ZNF12: variants seen among roughly 807,000 people sequenced by gnomAD.
ZNF12 encodes the protein zinc finger protein 12, also known as gonadotropin inducible transcription repressor 3.
A neutral mutation model predicts 66.6 loss-of-function variants in ZNF12; 34 were observed. The observed-to-expected ratio is 0.51, with a 90% confidence interval of 0.39 to 0.68. ZNF12 has a LOEUF of 0.68. Ranked by LOEUF, ZNF12 falls within the 30% of genes least tolerant of loss-of-function variation. ZNF12 has a pLI of 0.00. For synonymous variants in ZNF12, 320 were observed against 278.9 expected (o/e 1.15, Z -1.47); for missense variants, 697 against 826.9 (o/e 0.84, Z 1.93).
Position 6,706,909 on chromosome 7 carries a change from C to A in ZNF12, c.-528G>T, listed in dbSNP as rs1471112359. 1.2e-5 allele frequency: 5 copies of A among 414,008 alleles called. No individual in the cohort carries two copies. Among genetic ancestry groups the A allele is most frequent in the Admixed American group, 2.7e-5 (1 of 36,870 alleles). 25.6% of individuals were successfully genotyped at this position (414,008 alleles called of 1,614,324 possible). ...GGAGGCCAAAGCCTGGGAACTAGGG[C>A]GAGCGGTGACCTGGGGACGCACAGG... is the stretch of plus-strand genomic sequence containing the variant. On this transcript the variant is annotated 5_prime_UTR_variant, in exon 1 of 5. Transcript: ENST00000405858.
At chr7:6,703,104 C>T (rs59418261) in intron 2 of ZNF12, among the ~76,000 whole-genome samples, 100 of 152,038 alleles carry the variant, frequency 6.6e-4, no homozygotes, top group African/African-American at 2.4e-3. Context: ...CACTGCATAC[C>T]AACACAGCCC....
intron 1 of ZNF12, among the ~76,000 whole-genome samples, chr7:6,706,198 G>A (rs1780353380): frequency 6.6e-6 from 1 of 152,216 alleles, no homozygotes; most frequent in African/African-American, 2.4e-5. Context: ...AGCAGAGAGA[G>A]GAGGAAGGGC....
Position 6,697,993 on chromosome 7 carries a change from A to C in ZNF12, c.16-182T>G, listed in dbSNP as rs1780178564. On this transcript the variant is annotated intron_variant, in intron 2 of 4. Transcript: ENST00000405858. The surrounding 1 kb of genome is among the most constrained non-coding windows in gnomAD (Gnocchi z 6.1). ...TTCTGGGGTTCATTCAGTATACATC[A>C]AACAAAAAACAAAAAACAAAAAAAC... is the stretch of plus-strand genomic sequence containing the variant. 1 of 802,884 alleles carries C rather than the reference A, an allele frequency of 1.2e-6. No homozygotes were observed. The highest frequency in any genetic ancestry group is 2.2e-6 in the Non-Finnish European group (1 of 455,734). 49.7% of individuals were successfully genotyped at this position (802,884 alleles called of 1,614,324 possible).
Position 6,691,770 on chromosome 7 carries a change from G to C in ZNF12, c.1172C>G (p.Ser391Trp). 6.2e-7 allele frequency: 1 copy of C among 1,613,814 alleles called. No homozygotes were observed. The highest frequency in any genetic ancestry group is 8.5e-7 in the Non-Finnish European group (1 of 1,179,834). ...ATGGTCATTAAGTGCTGACTTCTGC[G>C]AGAAGGTTTTCCCACAGTCATGACA... ...YVCHDCGKTF[S>W]QKSALNDHQK... The change falls in exon 5 of 5, where the codon TCG becomes TGG. Residue 391 changes from serine to tryptophan, a missense_variant. Physicochemically the swap from Ser to Trp is radical, Grantham distance 177. Coordinates refer to ENST00000405858, the MANE Select transcript of ZNF12 (RefSeq NM_016265.4).
Position 6,691,303 on chromosome 7 carries a change from T to C in ZNF12, c.1639A>G (p.Lys547Glu). Residue 547 changes from lysine to glutamate, a missense_variant, in exon 5 of 5, where the codon AAG (lysine) becomes GAG (glutamate). Physicochemically the swap from Lys to Glu is moderately conservative, Grantham distance 56 (BLOSUM62 1). Around this residue, in one of 3 missense-constraint regions of ZNF12, gnomAD observed 401 missense variants for 519.0 expected, o/e 0.77. Transcript: ENST00000405858. ...CCACATATATAGCATTCATAGGGCT[T>C]CTCTCCTTTGTGTATTCTCCGATGT... ...CRHRRIHKGE[K>E]PYECYICGKF... 1 of 1,614,064 alleles carries C rather than the reference T, an allele frequency of 6.2e-7. No individual in the cohort carries two copies. Among genetic ancestry groups the C allele is most frequent in the Non-Finnish European group, 8.5e-7 (1 of 1,179,924 alleles).
At chr7:6,700,539 C>G (rs1196232729) in intron 2 of ZNF12, among the ~76,000 whole-genome samples, 1 of 152,118 alleles carries the variant, frequency 6.6e-6, no homozygotes, top group African/African-American at 2.4e-5. Flanking sequence ...TCTAGCATCT[C>G]AGCTAGACAC....
At position 6,705,713 on chromosome 7, in the gene ZNF12, G is replaced by C. The variant is rs930897953; in HGVS notation, c.-50-490C>G. Among the ~76,000 whole-genome samples, 2 of 133,904 alleles carry C rather than the reference G, an allele frequency of 1.5e-5. No individual in the cohort carries two copies. The highest frequency in any genetic ancestry group is 6.1e-5 in the African/African-American group (2 of 32,612). 87.8% of individuals were successfully genotyped at this position (133,904 alleles called of 152,430 possible). ...CAGCCTGGGCAACAAAGCGAAACTT[G>C]TCTCAAAAACAAACAAACAAACAAA... On this transcript the variant is annotated intron_variant, in intron 1 of 4. Transcript: ENST00000405858. This position sits in a 1 kb window ranked among gnomAD's most constrained non-coding sequence, Gnocchi z 4.0.
rs1562597512 is a variant in ZNF12 at position 6,690,882 on chromosome 7, T to C, written c.2060A>G (p.Asn687Ser). Residue 687 changes from asparagine (N) to serine (S), a missense_variant, in exon 5 of 5, where the codon AAT (asparagine) becomes AGT (serine). Coordinates refer to ENST00000405858, the MANE Select transcript of ZNF12 (RefSeq NM_016265.4). ...NSHQRIHRRGNMNVIDVGRLL is the reference protein window; with the variant it reads ...NSHQRIHRRGSMNVIDVGRLL ...CCTTCCCACATCTATTACATTCATATTGCCTCTCCTATGAATTCTCTGATG... is the reference window on the plus strand; with the variant it reads ...CCTTCCCACATCTATTACATTCATACTGCCTCTCCTATGAATTCTCTGATG... 6.2e-6 allele frequency: 10 copies of C among 1,613,480 alleles called. No homozygotes were observed. Among genetic ancestry groups the C allele is most frequent in the African/African-American group, 2.7e-5 (2 of 74,932 alleles).
chr7:6,698,130 AC>A lies in ZNF12; in HGVS notation c.16-320del. 1 of 531,804 alleles carries A rather than the reference AC, an allele frequency of 1.9e-6. No individual in the cohort carries two copies. Among genetic ancestry groups the A allele is most frequent in the Non-Finnish European group, 3.6e-6 (1 of 280,400 alleles). The allele number at this position is 531,804 out of a possible 1,614,324, so 32.9% of individuals were successfully genotyped here. A position where few individuals can be genotyped will look rare whatever the true frequency, so the allele number is the denominator to read the frequency against. ...GCACAGGCCTGGGGACACTCACAGA[AC>A]CCCAGGATGCACTCTGCTTCTTTGC... On this transcript the variant is annotated intron_variant, in intron 2 of 4. Transcript: ENST00000405858. The surrounding 1 kb of genome is among the most constrained non-coding windows in gnomAD (Gnocchi z 4.4).
Position 6,689,789 on chromosome 7 carries a change from G to T in ZNF12, c.*1059C>A, listed in dbSNP as rs150098392. 6.6e-6 allele frequency: 1 copy of T among 152,626 alleles called. No individual in the cohort carries two copies. The highest frequency in any genetic ancestry group is 1.5e-5 in the Non-Finnish European group (1 of 68,038). 9.5% of individuals were successfully genotyped at this position (152,626 alleles called of 1,614,324 possible). Reference sequence around the variant, plus strand: ...TAATTCATTAACAGGAAGGAGTAGAGCACAAGGTTTAAAACCAGTACGACA... The same window carrying T: ...TAATTCATTAACAGGAAGGAGTAGATCACAAGGTTTAAAACCAGTACGACA... On this transcript the variant is annotated 3_prime_UTR_variant, in exon 5 of 5. Coordinates refer to ENST00000405858, the MANE Select transcript of ZNF12 (RefSeq NM_016265.4).
Position 6,705,023 on chromosome 7 carries a change from C to A in ZNF12, c.15+136G>T. ...ATGAATATGATAAAAAGGCTTGGTG[C>A]TGATGGCTACTGTTCTGTCTGACCA... On this transcript the variant is annotated intron_variant, in intron 2 of 4. Transcript: ENST00000405858. The surrounding 1 kb of genome is among the most constrained non-coding windows in gnomAD (Gnocchi z 4.0). The A allele has an allele frequency of 1.0e-6, 1 of 983,492 alleles. No homozygotes were observed. The highest frequency in any genetic ancestry group is 3.1e-5 in the Admixed American group (1 of 32,556). The allele number at this position is 983,492 out of a possible 1,614,324, so 60.9% of individuals were successfully genotyped here.
At position 6,705,268 on chromosome 7, in the gene ZNF12, C is replaced by A; in HGVS notation, c.-50-45G>T. 6.6e-7 allele frequency: 1 copy of A among 1,510,284 alleles called. No homozygotes were observed. The highest frequency in any genetic ancestry group is 9.1e-7 in the Non-Finnish European group (1 of 1,096,906). 93.6% of individuals were successfully genotyped at this position (1,510,284 alleles called of 1,614,324 possible). On this transcript the variant is annotated intron_variant, in intron 1 of 4. Transcript: ENST00000405858. The surrounding 1 kb of genome is among the most constrained non-coding windows in gnomAD (Gnocchi z 4.0). The stretch of plus-strand genomic sequence containing the variant: ...GCCATGGCGTTATGAGCGGTCTGGC[C>A]TGCCAAGGCGGTCATCTCCCGCCCA...
Position 6,692,224 on chromosome 7 carries a change from G to C in ZNF12, c.718C>G (p.Pro240Ala), listed in dbSNP as rs760245465. 1.2e-6 allele frequency: 2 copies of C among 1,613,926 alleles called. No individual in the cohort carries two copies. The highest frequency in any genetic ancestry group is 3.3e-5 in the Admixed American group (2 of 60,004). ...TVFVNHMEEK[P>A]YKWNGSEIAF... ...ATTTCAGATCCATTCCACTTATAGG[G>C]CTTTTCTTCCATGTGATTAACAAAA... The change falls in exon 5 of 5, where the codon CCC (proline) becomes GCC (alanine). Residue 240 changes from proline (P) to alanine (A), a missense_variant. By Grantham distance (27) the Pro-to-Ala change is conservative. Coordinates refer to ENST00000405858, the MANE Select transcript of ZNF12 (RefSeq NM_016265.4). The surrounding 1 kb of genome is among the most constrained non-coding windows in gnomAD (Gnocchi z 5.1).
At position 6,697,579 on chromosome 7, in the gene ZNF12, CA is replaced by C. The variant is rs780718790; in HGVS notation, c.142+105del. 7 of 1,560,926 alleles carry C rather than the reference CA, an allele frequency of 4.5e-6. No individual in the cohort carries two copies. The highest frequency in any genetic ancestry group is 6.1e-6 in the Non-Finnish European group (7 of 1,145,742). ...AGACCAAAATGCCCTGCCTGGTGCCCAAAAACAGATTACTCACATTCGTCCC... is the reference window on the plus strand; with the variant it reads ...AGACCAAAATGCCCTGCCTGGTGCCCAAAACAGATTACTCACATTCGTCCC... On this transcript the variant is annotated intron_variant, in intron 3 of 4. Coordinates refer to ENST00000405858, the MANE Select transcript of ZNF12 (RefSeq NM_016265.4). The surrounding 1 kb of genome is among the most constrained non-coding windows in gnomAD (Gnocchi z 6.1).
Position 6,697,284 on chromosome 7 carries a change from C to A in ZNF12, c.238+55G>T. 1 of 1,397,714 alleles carries A rather than the reference C, an allele frequency of 7.2e-7. No homozygotes were observed. Among genetic ancestry groups the A allele is most frequent in the Non-Finnish European group, 9.9e-7 (1 of 1,008,766 alleles). The allele number at this position is 1,397,714 out of a possible 1,614,324, so 86.6% of individuals were successfully genotyped here. ...TAAAGGTTCGGGACCATTAAAAAAT[C>A]CCTGGGAAAAACACTCCCAAGTTAC... is the stretch of plus-strand genomic sequence containing the variant. On this transcript the variant is annotated intron_variant, in intron 4 of 4. Transcript: ENST00000405858. The surrounding 1 kb of genome is among the most constrained non-coding windows in gnomAD (Gnocchi z 6.1).
chr7:6,698,095 C>T lies in ZNF12; in HGVS notation c.16-284G>A. 1 of 603,316 alleles carries T rather than the reference C, an allele frequency of 1.7e-6. No individual in the cohort carries two copies. Among genetic ancestry groups the T allele is most frequent in the Non-Finnish European group, 3.1e-6 (1 of 323,554 alleles). The allele number at this position is 603,316 out of a possible 1,614,324, so 37.4% of individuals were successfully genotyped here. The stretch of plus-strand genomic sequence containing the variant: ...TTAACACCAGCAGGGACGAATCTCA[C>T]CCCTGAGGAGCACAGGCCTGGGGAC... On this transcript the variant is annotated intron_variant, in intron 2 of 4. Transcript: ENST00000405858. The surrounding 1 kb of genome is among the most constrained non-coding windows in gnomAD (Gnocchi z 4.4).
intron 4 of ZNF12, among the ~76,000 whole-genome samples, chr7:6,693,333 A>G (rs1024957580): frequency 1.3e-5 from 2 of 152,234 alleles, no homozygotes; most frequent in Non-Finnish European, 2.9e-5. Context: ...CAGCCCTATA[A>G]CCAGGGCATT....
intron 4 of ZNF12, among the ~76,000 whole-genome samples, chr7:6,693,924 T>C (rs931112710): frequency 6.6e-6 from 1 of 152,010 alleles, no homozygotes; most frequent in Non-Finnish European, 1.5e-5. Flanking sequence ...TCCCAGCACT[T>C]TGGGAGGCTG....
chr7:6,706,711 C>T lies in ZNF12; in HGVS notation c.-330G>A, dbSNP rs1780365256. ...CCGGGTCCCGCCGCCCCTTCGCCTC[C>T]GCCGTCGTCACCGCCCGGCCGGCCC... is the stretch of plus-strand genomic sequence containing the variant. On this transcript the variant is annotated 5_prime_UTR_variant, in exon 1 of 5. Transcript: ENST00000405858. 4.0e-6 allele frequency: 1 copy of T among 250,954 alleles called. No individual in the cohort carries two copies. The highest frequency in any genetic ancestry group is 3.5e-5 in the South Asian group (1 of 28,816). 15.5% of individuals were successfully genotyped at this position (250,954 alleles called of 1,614,324 possible). A position where few individuals can be genotyped will look rare whatever the true frequency, so the allele number is the denominator to read the frequency against.
Sources: allele counts gnomAD v4.1 joint callset (sites outside exome capture counted in the v4.1 genomes callset), GRCh38; gene constraint gnomAD v4.1.1; regional missense constraint gnomAD v4.1.1; non-coding constraint Gnocchi (gnomAD v3.1); transcripts MANE v1.5; gene names NCBI Gene and HGNC (gene_info 2026-07-23, HGNC 2026-07-21).